Variants in DAGLB observed in about 807,000 individuals in gnomAD.
The protein encoded by DAGLB is diacylglycerol lipase-beta.
DAGLB carries 66 observed loss-of-function variants against 72.1 expected under a neutral mutation model. The ratio of observed to expected loss-of-function variants is 0.92; its 90% confidence interval spans 0.75 to 1.12. The LOEUF is 1.12. Ranked by LOEUF, DAGLB falls within the 50% of genes most tolerant of loss-of-function variation. DAGLB has a pLI of 0.00. For missense variants in DAGLB, 1,065 were observed against 884.9 expected (o/e 1.20, Z -2.58); for synonymous variants, 414 against 359.5 (o/e 1.15, Z -1.71).
At chr7:6,447,369 G>C (rs1045560680) in intron 1 of DAGLB, among the ~76,000 whole-genome samples, 1 of 152,178 alleles carries the variant, frequency 6.6e-6, no homozygotes, top group Non-Finnish European at 1.5e-5. Context: ...GGGCACAAGT[G>C]GCTGCTCCCG....
chr7:6,447,727 C>T (rs1785057342), intron 1 of DAGLB, 21 bp downstream of exon 1: 4 of 1,607,976 alleles, frequency 2.5e-6, no homozygotes, highest in Non-Finnish European at 3.4e-6. Flanking sequence ...GCTCCACCGC[C>T]CCCGTAGCCG....
intron 4 of DAGLB, among the ~76,000 whole-genome samples, 156 bp from the exon 5 acceptor site, chr7:6,433,115 C>T (rs1158447063): frequency 1.3e-5 from 2 of 152,208 alleles, no homozygotes; most frequent in Non-Finnish European, 1.5e-5. Flanking sequence ...GGCAGGAGTG[C>T]TTCTCTATGT....
chr7:6,442,446 GA>G (rs199987842), intron 2 of DAGLB, among the ~76,000 whole-genome samples: 2 of 147,456 alleles, frequency 1.4e-5, no homozygotes, highest in East Asian at 2.0e-4. Flanking sequence ...AACATGTAAG[GA>G]AAAAAAAAAG....
chr7:6,420,944 G>C (rs999803584), intron 9 of DAGLB, among the ~76,000 whole-genome samples: 2 of 152,182 alleles, frequency 1.3e-5, no homozygotes, highest in Non-Finnish European at 2.9e-5. Flanking sequence ...TGAGACCCTG[G>C]TGCGCACTCT....
chr7:6,424,370 C>G (rs1022363116), intron 8 of DAGLB, among the ~76,000 whole-genome samples: 1 of 152,124 alleles, frequency 6.6e-6, no homozygotes. Context: ...AGGGGCGTGA[C>G]TCTCTGCAGC....
chr7:6,440,239 C>A (rs1784787114), intron 2 of DAGLB, among the ~76,000 whole-genome samples: 1 of 151,620 alleles, frequency 6.6e-6, no homozygotes, highest in East Asian at 1.9e-4. Flanking sequence ...ATAAAATTAG[C>A]CAGGTGTGGT....
chr7:6,446,209 C>T (rs1239578971), intron 1 of DAGLB, 105 bp from the exon 2 acceptor site: 1 of 1,208,954 alleles, frequency 8.3e-7, no homozygotes, highest in Non-Finnish European at 1.1e-6. Context: ...TGGCTCACAC[C>T]TGTAATCACA....
At chr7:6,436,087 AAG>A (rs1784646067) in intron 3 of DAGLB, among the ~76,000 whole-genome samples, 3 of 151,574 alleles carry the variant, frequency 2.0e-5, no homozygotes, top group Non-Finnish European at 4.4e-5. Flanking sequence ...TTAAGAAAAA[AAG>A]AAAAAAAAAA....
intron 5 of DAGLB, among the ~76,000 whole-genome samples, chr7:6,432,170 G>T (rs1784506005): frequency 6.6e-6 from 1 of 152,026 alleles, no homozygotes; most frequent in Non-Finnish European, 1.5e-5. Flanking sequence ...GGCCAACATG[G>T]CAAAACCCCA....
At chr7:6,418,069 C>T (rs1783977411) in intron 9 of DAGLB, among the ~76,000 whole-genome samples, 1 of 152,080 alleles carries the variant, frequency 6.6e-6, no homozygotes, top group Admixed American at 6.6e-5. Context: ...CAGGGTTTCA[C>T]CATGTTGGCC....
intron 13 of DAGLB, among the ~76,000 whole-genome samples, chr7:6,410,848 G>A (rs958781425): frequency 7.9e-5 from 12 of 151,230 alleles, no homozygotes; most frequent in African/African-American, 2.7e-4. Flanking sequence ...CGGCTTACAG[G>A]CTCCTGCCAC....
intron 5 of DAGLB, among the ~76,000 whole-genome samples, chr7:6,431,733 T>C (rs1458100081): frequency 6.6e-6 from 1 of 151,926 alleles, no homozygotes; most frequent in Admixed American, 6.6e-5. Context: ...GATCATGCCA[T>C]TGCACTCCAG....
intron 9 of DAGLB, among the ~76,000 whole-genome samples, chr7:6,418,452 T>A (rs186605753): frequency 8.5e-5 from 13 of 152,236 alleles, no homozygotes; most frequent in Admixed American, 5.9e-4. Context: ...AAAAAATTTT[T>A]AAAAAAGAAA....
chr7:6,424,263 G>C (rs1289897748), intron 8 of DAGLB, among the ~76,000 whole-genome samples: 1 of 152,246 alleles, frequency 6.6e-6, no homozygotes, highest in East Asian at 1.9e-4. Context: ...CCATGGGCTG[G>C]GGATGGATGT....
At chr7:6,438,948 C>T (rs193084127) in intron 2 of DAGLB, among the ~76,000 whole-genome samples, 6 of 152,160 alleles carry the variant, frequency 3.9e-5, no homozygotes, top group Non-Finnish European at 8.8e-5. Flanking sequence ...TGGCCGGGTG[C>T]GGTGGCTCAC....
chr7:6,444,273 T>C (rs751470991), intron 2 of DAGLB, among the ~76,000 whole-genome samples: 7 of 151,876 alleles, frequency 4.6e-5, no homozygotes. Context: ...ACACTGTCTC[T>C]AACAACAACA....
chr7:6,432,030 C>T (rs995978699), intron 5 of DAGLB, among the ~76,000 whole-genome samples: 21 of 152,136 alleles, frequency 1.4e-4, no homozygotes, highest in African/African-American at 5.1e-4. Flanking sequence ...TGCTCATGTA[C>T]CCCTGAACCT....
chr7:6,410,510 G>A, intron 13 of DAGLB, 130 bp from the exon 14 acceptor site: 2 of 1,363,158 alleles, frequency 1.5e-6, no homozygotes, highest in Admixed American at 2.6e-5. Context: ...GAAGACTCCA[G>A]CAAAGATGCA....
rs191988346 is a variant in DAGLB, at chr7:6,438,837, A to G, written c.248-2304T>C. On this transcript the variant is annotated intron_variant, in intron 2 of 14. Transcript: ENST00000297056. ...ACGCTGGGGAACACAGAGAGACCTC[A>G]TCTCTGATTATTTTTTAAAAAAGAT... Among the ~76,000 whole-genome samples, 252 of 151,968 alleles carry G rather than the reference A, an allele frequency of 1.7e-3. 2 individuals carry two copies. The highest frequency in any genetic ancestry group is 5.8e-3 in the African/African-American group (240 of 41,522).
Sources: gnomAD v4.1 joint callset for allele counts (sites outside exome capture counted in the v4.1 genomes callset) on GRCh38, gnomAD v4.1.1 for gene constraint, MANE v1.5 for transcripts, NCBI Gene and HGNC (gene_info 2026-07-23, HGNC 2026-07-21) for gene names.